The following GLT8D1 variants were observed in gnomAD, a reference collection of about 807,000 sequenced individuals.
The protein encoded by GLT8D1 is glycosyltransferase 8 domain containing 1, also known as glycosyltransferase 8 domain-containing protein 1.
In GLT8D1, 41 loss-of-function variants were observed where a neutral mutation model predicts 46.2. That is an observed-to-expected ratio of 0.89 (90% CI 0.69 to 1.15). The LOEUF is 1.15. Ranked by LOEUF, GLT8D1 falls within the 50% of genes most tolerant of loss-of-function variation. The pLI is 0.00. For synonymous variants in GLT8D1, 150 were observed against 154.2 expected (o/e 0.97, Z 0.20); for missense variants, 408 against 449.3 (o/e 0.91, Z 0.83).
rs2097335714 is a variant in GLT8D1 at position 52,698,071 on chromosome 3, C to T, written c.116-137G>A. ...CCCCATTAAACTGAAGCATATAGCC[C>T]TGAAACTTTCCCTGTATGTAAATAA... is the stretch of plus-strand genomic sequence containing the variant. On this transcript the variant is annotated intron_variant, in intron 3 of 9. Transcript: ENST00000266014. 8 of 625,812 alleles carry T rather than the reference C, an allele frequency of 1.3e-5. No homozygotes were observed. The East Asian group carries it at 2.2e-4, about 17-fold the overall frequency. The allele number at this position is 625,812 out of a possible 1,614,324, so 38.8% of individuals were successfully genotyped here. A position where few individuals can be genotyped will look rare whatever the true frequency, so the allele number is the denominator to read the frequency against.
chr3:52,700,543 G>A, intron 1 of GLT8D1, 47 bp from the exon 2 acceptor site: 3 of 871,110 alleles, frequency 3.4e-6, no homozygotes, highest in South Asian at 1.6e-5. Context: ...ACATGAGAAG[G>A]GACATCAAAA....
intron 7 of GLT8D1, 57 bp downstream of exon 7, chr3:52,695,871 C>A: frequency 9.7e-7 from 1 of 1,034,902 alleles, no homozygotes; most frequent in Non-Finnish European, 1.5e-6. Context: ...CCTGAATTTG[C>A]AACCTCTTCC....
Position 52,694,514 on chromosome 3 carries a change from A to C in GLT8D1, c.*331T>G, listed in dbSNP as rs1051530850. ...ATTGAAAAATGTAAGTTTTATTTAC[A>C]GATCAGGCCACAGGTTACAAAATTA... On this transcript the variant is annotated 3_prime_UTR_variant, in exon 10 of 10. Transcript: ENST00000266014. 1.0e-5 allele frequency: 6 copies of C among 577,702 alleles called. No homozygotes were observed. Among genetic ancestry groups the C allele is most frequent in the Middle Eastern group, 4.5e-4 (1 of 2,222 alleles). 35.8% of individuals were successfully genotyped at this position (577,702 alleles called of 1,614,324 possible).
Position 52,696,611 on chromosome 3 carries a change from G to C in GLT8D1, c.378C>G (p.Val126=). The change falls in exon 5 of 10, where the codon GTC becomes GTG. Residue 126 remains valine (V), a synonymous_variant. Transcript: ENST00000266014. Reference sequence around the variant, plus strand: ...CTTCCAAAAGTTTAGGGTCAAAATTGACAATTTTGTATCTGATGCTTTTCA... The same window carrying C: ...CTTCCAAAAGTTTAGGGTCAAAATTCACAATTTTGTATCTGATGCTTTTCA... ...DSLKSIRYKI[V]NFDPKLLEGK... 6.2e-7 allele frequency: 1 copy of C among 1,611,272 alleles called. No homozygotes were observed. Among genetic ancestry groups the C allele is most frequent in the Non-Finnish European group, 8.5e-7 (1 of 1,177,442 alleles).
In GLT8D1 at chr3:52,700,488, T is replaced by C. The variant is rs777320257; in HGVS notation, c.-28A>G. 5.9e-6 allele frequency: 9 copies of C among 1,537,128 alleles called. No individual in the cohort carries two copies. The highest frequency in any genetic ancestry group is 1.7e-4 in the Middle Eastern group (1 of 5,732). ...TTTTCTTCTGTCATATAAATATTAGTTTTTAACCCTACAAAACAAAAACAA... is the reference window on the plus strand; with the variant it reads ...TTTTCTTCTGTCATATAAATATTAGCTTTTAACCCTACAAAACAAAAACAA... On this transcript the variant is annotated 5_prime_UTR_variant, in exon 2 of 10. Transcript: ENST00000266014.
chr3:52,697,175 T>A (rs1202326596), intron 4 of GLT8D1, among the ~76,000 whole-genome samples: 1 of 152,230 alleles, frequency 6.6e-6, no homozygotes. Context: ...CCAAAATGTT[T>A]CAGAAATTTG....
Position 52,695,264 on chromosome 3 carries a change from G to GTGA in GLT8D1, c.848_850dup (p.Ile283dup), listed in dbSNP as rs2097331946. 6 of 1,613,784 alleles carry GTGA rather than the reference G, an allele frequency of 3.7e-6. No homozygotes were observed. Among genetic ancestry groups the GTGA allele is most frequent in the Non-Finnish European group, 5.1e-6 (6 of 1,179,758 alleles). On this transcript the variant is annotated inframe_insertion, in exon 9 of 10. Coordinates refer to ENST00000266014, the MANE Select transcript of GLT8D1 (RefSeq NM_018446.4). ...AAATACGATAAGCAGAGGAGGTGTT[G>GTGA]TGATGCTACCAGCCAGGGTTCTGCT...
rs774078163 is a variant in GLT8D1, at chr3:52,697,706, A to G, written c.329+15T>C. Reference sequence around the variant, plus strand: ...AATCATCCTCTAGAAGCAGAATCACATAAGCAGAGCTCACCGGAGATGGTC... The same window carrying G: ...AATCATCCTCTAGAAGCAGAATCACGTAAGCAGAGCTCACCGGAGATGGTC... On this transcript the variant is annotated intron_variant, in intron 4 of 9. Transcript: ENST00000266014. The G allele has an allele frequency of 5.2e-6, 8 of 1,553,212 alleles. No individual in the cohort carries two copies. In the South Asian group the frequency reaches 7.8e-5, roughly 15 times the overall value.
chr3:52,697,502 GACTT>G (rs1168064964), intron 4 of GLT8D1: 1 of 561,484 alleles, frequency 1.8e-6, no homozygotes, highest in Admixed American at 3.0e-5. Context: ...AGTGACAGCT[GACTT>G]ACTTCCTGGC....
Position 52,705,736 on chromosome 3 carries a change from A to G in GLT8D1, c.-326T>C, listed in dbSNP as rs2097343780. 4 of 829,570 alleles carry G rather than the reference A, an allele frequency of 4.8e-6. No individual in the cohort carries two copies. The highest frequency in any genetic ancestry group is 6.3e-6 in the Non-Finnish European group (4 of 631,146). The allele number at this position is 829,570 out of a possible 1,614,324, so 51.4% of individuals were successfully genotyped here. A position where few individuals can be genotyped will look rare whatever the true frequency, so the allele number is the denominator to read the frequency against. On this transcript the variant is annotated 5_prime_UTR_variant, in exon 1 of 10. Transcript: ENST00000266014. ...TCCGTGGCAGCCGCGCAGCCCCACTACGCCCAGCCAGCCCGCAGCGGTAAC... is the reference window on the plus strand; with the variant it reads ...TCCGTGGCAGCCGCGCAGCCCCACTGCGCCCAGCCAGCCCGCAGCGGTAAC...
At chr3:52,702,131 C>G (rs2154100802) in intron 1 of GLT8D1, among the ~76,000 whole-genome samples, 1 of 152,322 alleles carries the variant, frequency 6.6e-6, no homozygotes, top group Admixed American at 6.5e-5. Context: ...TCCCAAGTAG[C>G]AGGGACTACA....
At chr3:52,700,623 A>G (rs2097338562) in intron 1 of GLT8D1, 127 bp from the exon 2 acceptor site, 1 of 487,516 alleles carries the variant, frequency 2.1e-6, no homozygotes. Flanking sequence ...TCCGCCAGAA[A>G]CTCATTTTGA....
chr3:52,696,305 C>CT lies in GLT8D1; in HGVS notation c.460dup (p.Arg154LysfsTer19). On this transcript the variant is annotated frameshift_variant, in exon 6 of 10. Transcript: ENST00000266014. LOFTEE classifies it high-confidence loss of function. ...GGGAACCAGAATTGGCAAGTAGAAC[C>CT]TTGCAAAGGTTAACTGGAAAAGGAA... 6.2e-7 allele frequency: 1 copy of CT among 1,608,272 alleles called. No individual in the cohort carries two copies. The highest frequency in any genetic ancestry group is 8.5e-7 in the Non-Finnish European group (1 of 1,174,686).
chr3:52,700,222 G>C, intron 3 of GLT8D1, 40 bp downstream of exon 3: 1 of 1,254,470 alleles, frequency 8.0e-7, no homozygotes, highest in Non-Finnish European at 1.2e-6. Context: ...TACCAGGTCC[G>C]CAACAGATTC....
chr3:52,701,588 C>T (rs546801502), intron 1 of GLT8D1, among the ~76,000 whole-genome samples: 55 of 152,100 alleles, frequency 3.6e-4, no homozygotes, highest in African/African-American at 1.2e-3. Context: ...AGACTGGTCT[C>T]GAACTCCTGA....
chr3:52,697,649 A>G, intron 4 of GLT8D1, 72 bp downstream of exon 4: 1 of 991,166 alleles, frequency 1.0e-6, no homozygotes, highest in East Asian at 2.4e-5. Flanking sequence ...CCACAGAAAA[A>G]CAGATCCTGG....
intron 1 of GLT8D1, chr3:52,704,818 C>T (rs547840214): frequency 6.6e-6 from 1 of 152,588 alleles, no homozygotes; most frequent in African/African-American, 2.4e-5. Context: ...GCTCCCACAT[C>T]TGGGCCTCCC....
At chr3:52,701,013 C>T (rs1052743567) in intron 1 of GLT8D1, among the ~76,000 whole-genome samples, 1 of 152,034 alleles carries the variant, frequency 6.6e-6, no homozygotes, top group Non-Finnish European at 1.5e-5. Context: ...TGCAGTGAGC[C>T]GAGATCATGC....
At position 52,695,259 on chromosome 3, in the gene GLT8D1, G is replaced by GTGT. The variant is rs754266311; in HGVS notation, c.853_855dup (p.Thr285dup). On this transcript the variant is annotated inframe_insertion, in exon 9 of 10. Transcript: ENST00000266014. ...TGATAAAATACGATAAGCAGAGGAG[G>GTGT]TGTTGTGATGCTACCAGCCAGGGTT... The GTGT allele has an allele frequency of 6.2e-7, 1 of 1,613,806 alleles. No individual in the cohort carries two copies. The highest frequency in any genetic ancestry group is 8.5e-7 in the Non-Finnish European group (1 of 1,179,778).
Sources: gnomAD v4.1 joint callset for allele counts (sites outside exome capture counted in the v4.1 genomes callset) on GRCh38, gnomAD v4.1.1 for gene constraint, MANE v1.5 for transcripts, NCBI Gene and HGNC (gene_info 2026-07-23, HGNC 2026-07-21) for gene names.